The following UBXN6 variants were observed in gnomAD, a reference collection of about 807,000 sequenced individuals.
UBXN6 encodes UBX domain protein 6.
Under a neutral mutation model 51.4 loss-of-function variants are expected in UBXN6, and 44 were observed. The ratio of observed to expected loss-of-function variants is 0.86; its 90% CI spans 0.67 to 1.10. The LOEUF (loss-of-function observed/expected upper bound fraction) is 1.10. Ranked by LOEUF, UBXN6 falls within the 50% of genes least tolerant of loss-of-function variation. The probability of loss-of-function intolerance (pLI) is 0.00; values close to 1 mark genes in which losing one functional copy is unlikely to be tolerated. For synonymous variants in UBXN6, 316 were observed against 263.2 expected (o/e 1.20, Z -1.94); for missense variants, 672 against 596.1 (o/e 1.13, Z -1.32).
chr19:4,452,644 C>T, intron 3 of UBXN6, 152 bp from the exon 4 acceptor site: 3 of 1,116,668 alleles, frequency 2.7e-6, no homozygotes, highest in Non-Finnish European at 3.7e-6. Context: ...GACACCCTGG[C>T]CAAGTGACCG....
chr19:4,448,644 T>C, intron 4 of UBXN6: 1 of 566,572 alleles, frequency 1.8e-6, no homozygotes, highest in South Asian at 2.0e-5. Context: ...AAGTCTCCCC[T>C]TCCGCCTTCT....
Position 4,445,796 on chromosome 19 carries a change from T to G in UBXN6, c.1201-173A>C, listed in dbSNP as rs2145166409. On this transcript the variant is annotated intron_variant, in intron 10 of 10. Transcript: ENST00000301281. ...CCTCTCCCTCCGGGACTCCAGGACC[T>G]AAGCCTAAACCTACTGCACTAGCTA... The G allele has an allele frequency of 3.4e-6, 4 of 1,179,846 alleles. No homozygotes were observed. The East Asian group carries it at 7.7e-5, about 23-fold the overall frequency. 73.1% of individuals were successfully genotyped at this position (1,179,846 alleles called of 1,614,324 possible). A position where few individuals can be genotyped will look rare whatever the true frequency, so the allele number is the denominator to read the frequency against.
At chr19:4,450,355 G>A (rs1382515160) in intron 4 of UBXN6, 1 of 151,926 alleles carries the variant, frequency 6.6e-6, no homozygotes, top group African/African-American at 2.4e-5. Context: ...ATTATACAGA[G>A]ATCAAAAAAT....
At position 4,446,510 on chromosome 19, in the gene UBXN6, G is replaced by T; in HGVS notation, c.910C>A (p.Gln304Lys). ...GGACGTCAGGCCCACCTGAGCCTCT[G>T]CTCCCGCTTGATCTCCTCTGCTGTG... The part of the protein sequence containing the change: ...NLTAEEIKRE[Q>K]RLRSEAVERL... The change falls in exon 8 of 11, where the codon CAG becomes AAG. Residue 304 changes from glutamine to lysine, a missense_variant. Physicochemically the swap from Gln to Lys is moderately conservative, Grantham distance 53. Coordinates refer to ENST00000301281, the MANE Select transcript of UBXN6 (RefSeq NM_025241.3). 1 of 1,609,200 alleles carries T rather than the reference G, an allele frequency of 6.2e-7. No homozygotes were observed. Among genetic ancestry groups the T allele is most frequent in the Non-Finnish European group, 8.5e-7 (1 of 1,179,126 alleles).
At chr19:4,455,277 C>G (rs1331974590) in intron 1 of UBXN6, 20 of 985,378 alleles carry the variant, frequency 2.0e-5, no homozygotes, top group Non-Finnish European at 2.3e-5. Context: ...AGGCCAGGCT[C>G]TCAGTTCAAG....
intron 1 of UBXN6, chr19:4,455,579 C>T (rs1163759314): frequency 6.5e-6 from 1 of 153,108 alleles, no homozygotes; most frequent in Non-Finnish European, 1.5e-5. Context: ...CCTCCCACTG[C>T]AAAATCCTAA....
intron 5 of UBXN6, 123 bp from the exon 6 acceptor site, chr19:4,447,748 G>T: frequency 1.0e-6 from 1 of 955,568 alleles, no homozygotes; most frequent in Non-Finnish European, 1.7e-6. Flanking sequence ...GGAAGAAGCG[G>T]CCCAGTGACG....
At position 4,446,042 on chromosome 19, in the gene UBXN6, C is replaced by A; in HGVS notation, c.1200+7G>T. 1 of 1,607,430 alleles carries A rather than the reference C, an allele frequency of 6.2e-7. No homozygotes were observed. Among genetic ancestry groups the A allele is most frequent in the Non-Finnish European group, 8.5e-7 (1 of 1,176,926 alleles). ...GGTCAGCGGTGCTCCTGCGGGCCGA[C>A]ACTCACCAGCCCGCACTCGTTCAAG... On this transcript the variant is annotated splice_region_variant and intron_variant, in intron 10 of 10. Transcript: ENST00000301281.
chr19:4,445,383 C>A lies in UBXN6; in HGVS notation c.*115G>T. ...CCACGGCTGGCGCCCCTCCCGTGCC[C>A]ATGGGGCAGAGCCAAGTATTTCCAG... On this transcript the variant is annotated 3_prime_UTR_variant, in exon 11 of 11. Transcript: ENST00000301281. 1 of 1,525,696 alleles carries A rather than the reference C, an allele frequency of 6.6e-7. No individual in the cohort carries two copies. Among genetic ancestry groups the A allele is most frequent in the African/African-American group, 1.4e-5 (1 of 72,804 alleles). 94.5% of individuals were successfully genotyped at this position (1,525,696 alleles called of 1,614,324 possible).
intron 1 of UBXN6, chr19:4,455,106 A>G (rs1974721846): frequency 1.5e-6 from 1 of 658,324 alleles, no homozygotes; most frequent in Admixed American, 6.3e-5. Context: ...AGAGTTCCGT[A>G]ACCCACGTGG....
chr19:4,446,455 TC>T, intron 8 of UBXN6, 42 bp from the exon 9 acceptor site: 3 of 1,582,334 alleles, frequency 1.9e-6, no homozygotes, highest in Non-Finnish European at 2.6e-6. Flanking sequence ...CCGGGGTTCT[TC>T]CACCCCGCCC....
intron 2 of UBXN6, 87 bp from the exon 3 acceptor site, chr19:4,453,609 G>GC: frequency 6.7e-7 from 1 of 1,497,342 alleles, no homozygotes; most frequent in East Asian, 2.4e-5. Flanking sequence ...CCCGGGGTGG[G>GC]CCTGGGGGCC....
intron 5 of UBXN6, chr19:4,447,939 G>A: frequency 2.0e-6 from 1 of 495,966 alleles, no homozygotes; most frequent in Non-Finnish European, 3.7e-6. Context: ...GAGCTGAAGG[G>A]CCGCAGTGCC....
intron 6 of UBXN6, 54 bp downstream of exon 6, chr19:4,447,496 G>A: frequency 6.2e-7 from 1 of 1,601,380 alleles, no homozygotes; most frequent in Non-Finnish European, 8.5e-7. Flanking sequence ...GGCTCCTGCA[G>A]GCCAGCTGCC....
At chr19:4,447,961 C>T (rs1162008247) in intron 5 of UBXN6, 2 of 498,534 alleles carry the variant, frequency 4.0e-6, no homozygotes, top group African/African-American at 1.9e-5. Context: ...GCAGGGGGCT[C>T]CTGCGGGGTG....
chr19:4,455,199 C>T (rs1974723702), intron 1 of UBXN6: 1 of 985,432 alleles, frequency 1.0e-6, no homozygotes, highest in Non-Finnish European at 1.2e-6. Flanking sequence ...CGTCTCCTCT[C>T]AGGCCCCTCC....
At chr19:4,448,029 C>T (rs965872154) in intron 5 of UBXN6, 30 of 533,832 alleles carry the variant, frequency 5.6e-5, no homozygotes, top group East Asian at 3.2e-4. Context: ...TCCTGAGACC[C>T]GGGGAGTGGG....
Position 4,457,671 on chromosome 19 carries a change from C to G in UBXN6, c.27G>C (p.Lys9Asn). Reference protein sequence around the residue: MKKFFQEFKADIKFKSAGP... With the variant: MKKFFQEFNADIKFKSAGP... Reference sequence around the variant, plus strand: ...CCGCGCTCTTGAACTTGATGTCGGCCTTGAACTCCTGAAAGAATTTCTTCA... The same window carrying G: ...CCGCGCTCTTGAACTTGATGTCGGCGTTGAACTCCTGAAAGAATTTCTTCA... The change falls in exon 1 of 11, where the codon AAG becomes AAC. Residue 9 changes from lysine to asparagine, a missense_variant. Transcript: ENST00000301281. 1 of 1,599,334 alleles carries G rather than the reference C, an allele frequency of 6.3e-7. No homozygotes were observed. The highest frequency in any genetic ancestry group is 8.5e-7 in the Non-Finnish European group (1 of 1,174,416).
rs1234015627 is a variant in UBXN6 at position 4,454,105 on chromosome 19, C to T, written c.84-12G>A. On this transcript the variant is annotated splice_polypyrimidine_tract_variant and intron_variant, in intron 1 of 10. Transcript: ENST00000301281. ...TGTGGGCCTTTTCCCTGGGAACAGA[C>T]CGAGGGAGAGTGAGTGTATCCTCCC... The T allele has an allele frequency of 8.5e-6, 13 of 1,524,886 alleles. No homozygotes were observed. The highest frequency in any genetic ancestry group is 2.1e-5 in the Admixed American group (1 of 47,670). 94.5% of individuals were successfully genotyped at this position (1,524,886 alleles called of 1,614,324 possible).
Sources: gnomAD v4.1 joint callset for allele counts on GRCh38, gnomAD v4.1.1 for gene constraint, MANE v1.5 for transcripts, NCBI Gene and HGNC (gene_info 2026-07-23, HGNC 2026-07-21) for gene names.